LHFPL3: variants seen among roughly 807,000 people sequenced by gnomAD.
LHFPL3 encodes the protein LHFPL tetraspan subfamily member 3 protein.
In LHFPL3, 5 loss-of-function variants were observed where a neutral mutation model predicts 19.3. The observed-to-expected ratio is 0.26, with a 90% CI of 0.14 to 0.54. The LOEUF is 0.54. LHFPL3 is among the 20% of genes least tolerant of loss of function. LHFPL3 has a pLI of 0.94. For synonymous variants in LHFPL3, 133 were observed against 126.2 expected (o/e 1.05, Z -0.36); for missense variants, 249 against 307.4 (o/e 0.81, Z 1.42).
intron 1 of LHFPL3, among the ~76,000 whole-genome samples, chr7:104,555,107 T>C (rs980903691): frequency 2.6e-5 from 4 of 152,298 alleles, no homozygotes; most frequent in African/African-American, 9.6e-5. Flanking sequence ...CATTCTCCTC[T>C]AGAAACACCC....
At chr7:104,832,851 C>T (rs527697807) in intron 2 of LHFPL3, among the ~76,000 whole-genome samples, 2 of 144,968 alleles carry the variant, frequency 1.4e-5, no homozygotes, top group African/African-American at 5.2e-5. Flanking sequence ...GTGGCATGTG[C>T]CTATAGTCTC....
chr7:104,394,920 C>G (rs7796784), intron 1 of LHFPL3, among the ~76,000 whole-genome samples: 51,689 of 151,650 alleles, frequency 0.34, 9,164 homozygotes, highest in Admixed American at 0.49. Flanking sequence ...AGGCTGGTCT[C>G]GAACTCCTGA....
At chr7:104,899,343 C>T (rs1375946954) in intron 2 of LHFPL3, among the ~76,000 whole-genome samples, 1 of 151,934 alleles carries the variant, frequency 6.6e-6, no homozygotes, top group Non-Finnish European at 1.5e-5. Flanking sequence ...GGCTCCTGAA[C>T]ACACACATTT....
chr7:104,849,073 G>A (rs753496546), intron 2 of LHFPL3, among the ~76,000 whole-genome samples: 1 of 152,096 alleles, frequency 6.6e-6, no homozygotes, highest in Non-Finnish European at 1.5e-5. Context: ...TGGGACTACA[G>A]GCATGTGCTA....
At chr7:104,538,379 C>G (rs1451002613) in intron 1 of LHFPL3, among the ~76,000 whole-genome samples, 1 of 152,072 alleles carries the variant, frequency 6.6e-6, no homozygotes, top group Non-Finnish European at 1.5e-5. Flanking sequence ...AAAGCTAGAG[C>G]CCAATATAGA....
chr7:104,511,130 T>C (rs2115769737), intron 1 of LHFPL3, among the ~76,000 whole-genome samples: 1 of 152,028 alleles, frequency 6.6e-6, no homozygotes, highest in East Asian at 1.9e-4. Context: ...ACAGTAAAAA[T>C]ACAGACAAAC....
At chr7:104,607,735 C>T (rs917315351) in intron 1 of LHFPL3, among the ~76,000 whole-genome samples, 12 of 152,014 alleles carry the variant, frequency 7.9e-5, no homozygotes, top group African/African-American at 2.4e-4. Flanking sequence ...AGAAAATTTT[C>T]GCAACCTACT....
At chr7:104,473,957 G>A (rs373445806) in intron 1 of LHFPL3, among the ~76,000 whole-genome samples, 4 of 151,972 alleles carry the variant, frequency 2.6e-5, no homozygotes, top group South Asian at 2.1e-4. Context: ...CTGCATGTGC[G>A]TGCACACACT....
chr7:104,795,124 C>T (rs919230261), intron 2 of LHFPL3, among the ~76,000 whole-genome samples: 3 of 152,264 alleles, frequency 2.0e-5, no homozygotes, highest in Non-Finnish European at 2.9e-5. Context: ...AAAACCTTTC[C>T]GGAAAGATGG....
intron 1 of LHFPL3, among the ~76,000 whole-genome samples, chr7:104,427,473 C>CTAG (rs1791869944): frequency 6.6e-6 from 1 of 152,174 alleles, no homozygotes; most frequent in South Asian, 2.1e-4. Context: ...ATGGATGGTG[C>CTAG]TAGTGTCAGA....
chr7:104,428,189 A>G (rs1487327724), intron 1 of LHFPL3, among the ~76,000 whole-genome samples: 1 of 152,200 alleles, frequency 6.6e-6, no homozygotes, highest in Non-Finnish European at 1.5e-5. Flanking sequence ...GTCCGTCCAC[A>G]ATTATGTTAA....
chr7:104,614,574 C>T (rs936048383), intron 1 of LHFPL3, among the ~76,000 whole-genome samples: 4 of 131,614 alleles, frequency 3.0e-5, no homozygotes, highest in East Asian at 2.5e-4. Context: ...TCCAAAGAGC[C>T]TCCTCTTCTC....
chr7:104,581,077 A>C (rs1184522189), intron 1 of LHFPL3, among the ~76,000 whole-genome samples: 5 of 151,950 alleles, frequency 3.3e-5, no homozygotes, highest in African/African-American at 4.8e-5. Flanking sequence ...GTGGGTGTTT[A>C]TTTAGTTTTA....
At chr7:104,862,224 C>T (rs1791630476) in intron 2 of LHFPL3, among the ~76,000 whole-genome samples, 1 of 152,102 alleles carries the variant, frequency 6.6e-6, no homozygotes, top group South Asian at 2.1e-4. Flanking sequence ...AAATCAGACC[C>T]CCACCTTTTG....
intron 1 of LHFPL3, among the ~76,000 whole-genome samples, chr7:104,506,761 A>G (rs992760783): frequency 1.3e-4 from 20 of 152,224 alleles, no homozygotes; most frequent in African/African-American, 4.8e-4. Context: ...AAATTTTACC[A>G]GGAGTATCCA....
intron 1 of LHFPL3, among the ~76,000 whole-genome samples, chr7:104,439,943 A>C (rs1392869191): frequency 6.6e-6 from 1 of 151,618 alleles, no homozygotes; most frequent in Non-Finnish European, 1.5e-5. Flanking sequence ...AATTCTAGGA[A>C]AGGAGCTACA....
intron 2 of LHFPL3, among the ~76,000 whole-genome samples, chr7:104,902,948 AAG>A (rs1792520018): frequency 6.6e-6 from 1 of 152,080 alleles, no homozygotes; most frequent in Admixed American, 6.5e-5. Flanking sequence ...ATGAAGGAGA[AAG>A]AGAAAGTTTT....
chr7:104,442,964 G>T (rs10224980), intron 1 of LHFPL3, among the ~76,000 whole-genome samples: 31,132 of 152,002 alleles, frequency 0.2, 3,659 homozygotes, highest in Admixed American at 0.33. Context: ...GGTATCCTTT[G>T]GTATGATAAT....
chr7:104,818,361 G>A (rs1173173870), intron 2 of LHFPL3, among the ~76,000 whole-genome samples: 1 of 150,440 alleles, frequency 6.6e-6, no homozygotes, highest in African/African-American at 2.5e-5. Context: ...TGACTTTAAG[G>A]CAACTGGCTT....
Sources: allele counts gnomAD v4.1 joint callset (sites outside exome capture counted in the v4.1 genomes callset), GRCh38; gene constraint gnomAD v4.1.1; transcripts MANE v1.5; gene names NCBI Gene and HGNC (gene_info 2026-07-23, HGNC 2026-07-21).